The following M1AP variants were observed in gnomAD, a reference collection of about 807,000 sequenced individuals.
M1AP encodes the protein meiosis 1 associated protein.
A neutral mutation model predicts 51.2 loss-of-function variants in M1AP; 39 were observed. The observed-to-expected ratio is 0.76, with a 90% CI of 0.59 to 1.00. The LOEUF is 1.00. Ranked by LOEUF, M1AP falls within the 50% of genes least tolerant of loss-of-function variation. The pLI, the probability that M1AP is intolerant of heterozygous loss-of-function variation, is 0.00. For missense variants in M1AP, 545 were observed against 641.2 expected (o/e 0.85, Z 1.62); for synonymous variants, 251 against 249.2 (o/e 1.01, Z -0.07).
chr2:74,642,721 T>C (rs764872149), intron 1 of M1AP, among the ~76,000 whole-genome samples: 39 of 152,242 alleles, frequency 2.6e-4, no homozygotes, highest in Non-Finnish European at 4.4e-4. Flanking sequence ...TTGTAATTTT[T>C]CCCAAAAGAT....
chr2:74,631,762 T>C (rs116234617), intron 2 of M1AP, among the ~76,000 whole-genome samples: 67 of 152,304 alleles, frequency 4.4e-4, no homozygotes, highest in African/African-American at 1.6e-3. Context: ...GCACAATGGA[T>C]ATAAAAGGAA....
intron 4 of M1AP, among the ~76,000 whole-genome samples, chr2:74,602,196 C>A (rs934319018): frequency 1.3e-5 from 2 of 151,972 alleles, no homozygotes; most frequent in Non-Finnish European, 2.9e-5. Flanking sequence ...ATCACTCACA[C>A]AAATCATTTG....
At chr2:74,612,455 A>C (rs1681423273) in intron 3 of M1AP, among the ~76,000 whole-genome samples, 1 of 152,068 alleles carries the variant, frequency 6.6e-6, no homozygotes, top group South Asian at 2.1e-4. Flanking sequence ...CCTGGCCTCA[A>C]GCAATCCTCC....
intron 4 of M1AP, among the ~76,000 whole-genome samples, chr2:74,596,974 G>A (rs563168936): frequency 5.3e-5 from 8 of 152,162 alleles, no homozygotes; most frequent in Non-Finnish European, 1.2e-4. Flanking sequence ...GGAGTGTAAA[G>A]GGGAAAGAAA....
intron 2 of M1AP, among the ~76,000 whole-genome samples, chr2:74,635,887 C>G (rs1016670482): frequency 3.3e-5 from 5 of 152,012 alleles, no homozygotes; most frequent in African/African-American, 1.2e-4. Flanking sequence ...AGTTTCTTTC[C>G]TTCATGGCCC....
At chr2:74,617,795 G>A (rs909792105) in intron 2 of M1AP, among the ~76,000 whole-genome samples, 1 of 152,120 alleles carries the variant, frequency 6.6e-6, no homozygotes, top group African/African-American at 2.4e-5. Flanking sequence ...TATTATCGAA[G>A]GTTCAGAAGT....
At chr2:74,645,605 C>T (rs1683561138) in intron 1 of M1AP, among the ~76,000 whole-genome samples, 1 of 152,144 alleles carries the variant, frequency 6.6e-6, no homozygotes, top group Non-Finnish European at 1.5e-5. Flanking sequence ...TCTATAGCAA[C>T]GACTCTATGA....
chr2:74,592,702 G>A (rs1680118227), intron 4 of M1AP, among the ~76,000 whole-genome samples: 1 of 152,080 alleles, frequency 6.6e-6, no homozygotes, highest in Non-Finnish European at 1.5e-5. Context: ...TGGATTTTGA[G>A]TCATAGTTAG....
chr2:74,573,299 T>C (rs1168487118), intron 7 of M1AP, among the ~76,000 whole-genome samples: 2 of 150,802 alleles, frequency 1.3e-5, no homozygotes, highest in African/African-American at 4.9e-5. Flanking sequence ...TGTGATCCAC[T>C]CACTTCGGCC....
At chr2:74,606,898 TTTA>T (rs974422836) in intron 4 of M1AP, among the ~76,000 whole-genome samples, 154 bp downstream of exon 4, 4 of 152,018 alleles carry the variant, frequency 2.6e-5, no homozygotes, top group African/African-American at 7.2e-5. Flanking sequence ...TTTTTAAAAT[TTTA>T]TTATTATTAT....
Position 74,607,046 on chromosome 2 carries a change from A to C in M1AP, c.595+9T>G. On this transcript the variant is annotated intron_variant, in intron 4 of 10. Transcript: ENST00000421985. Reference sequence around the variant, plus strand: ...TACAATTCTTTTTACCTTGTTAAAAAATTCTTACCATCATTGCTGGTATCC... The same window carrying C: ...TACAATTCTTTTTACCTTGTTAAAACATTCTTACCATCATTGCTGGTATCC... 1 of 1,612,538 alleles carries C rather than the reference A, an allele frequency of 6.2e-7. No individual in the cohort carries two copies. Among genetic ancestry groups the C allele is most frequent in the Non-Finnish European group, 8.5e-7 (1 of 1,179,098 alleles).
intron 4 of M1AP, among the ~76,000 whole-genome samples, chr2:74,593,678 G>A (rs773857056): frequency 5.9e-5 from 9 of 152,194 alleles, no homozygotes; most frequent in Non-Finnish European, 1.3e-4. Context: ...ACCATGCCTG[G>A]CCTGAACAAT....
intron 2 of M1AP, among the ~76,000 whole-genome samples, chr2:74,616,070 A>G (rs1011361023): frequency 6.6e-6 from 1 of 152,228 alleles, no homozygotes; most frequent in African/African-American, 2.4e-5. Flanking sequence ...TCTCTCCCCA[A>G]GTCTTTGGGG....
chr2:74,639,701 C>T (rs1004183753), intron 2 of M1AP, among the ~76,000 whole-genome samples: 3 of 152,184 alleles, frequency 2.0e-5, no homozygotes, highest in Non-Finnish European at 4.4e-5. Context: ...TAGAGGCTTC[C>T]CTCCTTGTGT....
intron 6 of M1AP, 136 bp from the exon 7 acceptor site, chr2:74,575,715 G>A: frequency 3.0e-6 from 2 of 672,064 alleles, no homozygotes; most frequent in South Asian, 3.8e-5. Context: ...ATGCATCTTT[G>A]TATGGCCAGC....
intron 2 of M1AP, among the ~76,000 whole-genome samples, chr2:74,632,189 T>C (rs919433335): frequency 2.6e-5 from 4 of 152,188 alleles, no homozygotes; most frequent in Admixed American, 2.6e-4. Context: ...GGCCTGACCA[T>C]AGGCAATTAC....
At chr2:74,577,371 T>G (rs1182164966) in intron 5 of M1AP, among the ~76,000 whole-genome samples, 15 of 152,220 alleles carry the variant, frequency 9.9e-5, no homozygotes. Context: ...TATGCCATAG[T>G]GTATGATGAT....
chr2:74,615,256 C>A (rs1195257645), intron 2 of M1AP, 107 bp from the exon 3 acceptor site: 2 of 1,021,358 alleles, frequency 2.0e-6, no homozygotes, highest in East Asian at 2.5e-5. Context: ...CCTTCCCTTC[C>A]TGAAAATTTA....
rs556987412 is a variant in M1AP, at chr2:74,600,057, C to G, written c.595+6998G>C. Among the ~76,000 whole-genome samples the G allele has an allele frequency of 6.6e-4, 101 of 152,236 alleles. 2 individuals carry two copies. The highest frequency in any genetic ancestry group is 2.4e-3 in the African/African-American group (99 of 41,532). On this transcript the variant is annotated intron_variant, in intron 4 of 10. Coordinates refer to ENST00000421985, the MANE Select transcript of M1AP (RefSeq NM_001321739.2). Reference sequence around the variant, plus strand: ...AGGGTTACAGGTATGAGCCATCACACCTGGCCCTGAACTGTTGATCTCTAT... The same window carrying G: ...AGGGTTACAGGTATGAGCCATCACAGCTGGCCCTGAACTGTTGATCTCTAT...
Sources: gnomAD v4.1 joint callset for allele counts (sites outside exome capture counted in the v4.1 genomes callset) on GRCh38, gnomAD v4.1.1 for gene constraint, MANE v1.5 for transcripts, NCBI Gene and HGNC (gene_info 2026-07-23, HGNC 2026-07-21) for gene names.